The following UNC5D variants were observed in gnomAD, a reference collection of about 807,000 sequenced individuals.
UNC5D encodes the protein unc-5 netrin receptor D.
In UNC5D, 39 loss-of-function variants were observed where a neutral mutation model predicts 105.4. The observed-to-expected ratio is 0.37, with a 90% CI of 0.29 to 0.48. The LOEUF is 0.48. Among genes scored for constraint, UNC5D ranks in the 20% least tolerant of loss-of-function variants. The probability of loss-of-function intolerance (pLI) is 0.98; values close to 1 mark genes in which losing one functional copy is unlikely to be tolerated. For missense variants in UNC5D, 991 were observed against 1,202.4 expected (o/e 0.82, Z 2.60); for synonymous variants, 452 against 450.4 (o/e 1.00, Z -0.04).
At chr8:35,241,251 C>T (rs1377198140) in intron 1 of UNC5D, among the ~76,000 whole-genome samples, 2 of 152,218 alleles carry the variant, frequency 1.3e-5, no homozygotes, top group Non-Finnish European at 2.9e-5. Context: ...CACATTGCAT[C>T]GTATGGCCTT....
chr8:35,382,915 G>A (rs187021069), intron 1 of UNC5D, among the ~76,000 whole-genome samples: 17 of 152,156 alleles, frequency 1.1e-4, no homozygotes, highest in Admixed American at 2.6e-4. Context: ...CGCTGTCGTC[G>A]TCTACTTTTC....
chr8:35,577,078 GAAAAT>G (rs1249455520), intron 3 of UNC5D, among the ~76,000 whole-genome samples: 1 of 152,122 alleles, frequency 6.6e-6, no homozygotes, highest in Non-Finnish European at 1.5e-5. Context: ...TTTATATAGA[GAAAAT>G]TAAATTTTTT....
chr8:35,329,072 AAT>A, intron 1 of UNC5D, among the ~76,000 whole-genome samples: 1 of 152,172 alleles, frequency 6.6e-6, no homozygotes, highest in South Asian at 2.1e-4. Flanking sequence ...AATTTAAAAC[AAT>A]GTTTTTAGCC....
chr8:35,603,995 C>T (rs1404724644), intron 4 of UNC5D, among the ~76,000 whole-genome samples: 2 of 152,150 alleles, frequency 1.3e-5, no homozygotes, highest in African/African-American at 4.8e-5. Context: ...GACTCTTTAT[C>T]CAGATTGCCA....
chr8:35,348,914 C>T (rs1369138772), intron 1 of UNC5D, among the ~76,000 whole-genome samples: 2 of 151,728 alleles, frequency 1.3e-5, no homozygotes, highest in Non-Finnish European at 3.0e-5. Flanking sequence ...TTTTAGTAAA[C>T]TTTATTACAT....
At chr8:35,482,906 G>A (rs970998726) in intron 1 of UNC5D, among the ~76,000 whole-genome samples, 2 of 143,634 alleles carry the variant, frequency 1.4e-5, no homozygotes, top group Admixed American at 7.3e-5. Flanking sequence ...GGATTCAAGC[G>A]ATTCTCCTGC....
At chr8:35,375,347 A>G (rs1361627833) in intron 1 of UNC5D, among the ~76,000 whole-genome samples, 1 of 152,200 alleles carries the variant, frequency 6.6e-6, no homozygotes, top group African/African-American at 2.4e-5. Context: ...CCACACGTTG[A>G]TCTTTGCTAT....
chr8:35,476,027 ACT>A (rs1313721037), intron 1 of UNC5D, among the ~76,000 whole-genome samples: 2 of 152,080 alleles, frequency 1.3e-5, no homozygotes, highest in Non-Finnish European at 2.9e-5. Flanking sequence ...GTCATCAGTG[ACT>A]CTATCGTATA....
At chr8:35,315,345 G>A (rs1312253078) in intron 1 of UNC5D, among the ~76,000 whole-genome samples, 3 of 152,136 alleles carry the variant, frequency 2.0e-5, no homozygotes, top group Non-Finnish European at 2.9e-5. Context: ...GGCTGGATTT[G>A]CTCCTTCATC....
chr8:35,530,882 T>C (rs1258357005), intron 1 of UNC5D, among the ~76,000 whole-genome samples: 35,698 of 110,418 alleles, frequency 0.32, 7,110 homozygotes, highest in African/African-American at 0.68. Flanking sequence ...TCTGTGGGAT[T>C]GGTGGTGATA....
intron 9 of UNC5D, 61 bp downstream of exon 9, chr8:35,722,456 A>T: frequency 6.5e-7 from 1 of 1,542,854 alleles, no homozygotes; most frequent in Non-Finnish European, 8.7e-7. Flanking sequence ...CTCACACTAG[A>T]CCCCAGCCTT....
intron 1 of UNC5D, among the ~76,000 whole-genome samples, chr8:35,415,371 G>T (rs531410021): frequency 1.3e-4 from 20 of 152,138 alleles, no homozygotes; most frequent in African/African-American, 4.1e-4. Flanking sequence ...TCCACCTGTT[G>T]TTTATTTTCA....
intron 1 of UNC5D, among the ~76,000 whole-genome samples, chr8:35,256,821 A>G (rs1437021269): frequency 6.6e-6 from 1 of 151,846 alleles, no homozygotes; most frequent in Non-Finnish European, 1.5e-5. Context: ...TGCCTTTTAG[A>G]CCCAGCTGTA....
chr8:35,491,699 T>C (rs1811224616), intron 1 of UNC5D, among the ~76,000 whole-genome samples: 1 of 152,122 alleles, frequency 6.6e-6, no homozygotes, highest in African/African-American at 2.4e-5. Flanking sequence ...TCTTTACAGA[T>C]TGACAAAGTG....
At chr8:35,783,051 G>A (rs1163154554) in intron 16 of UNC5D, among the ~76,000 whole-genome samples, 1 of 151,956 alleles carries the variant, frequency 6.6e-6, no homozygotes, top group Non-Finnish European at 1.5e-5. Context: ...GCTGAGATGG[G>A]AGGATCACTT....
At chr8:35,677,002 G>T (rs1825279855) in intron 4 of UNC5D, among the ~76,000 whole-genome samples, 1 of 151,842 alleles carries the variant, frequency 6.6e-6, no homozygotes, top group South Asian at 2.1e-4. Flanking sequence ...GGCTTTTCAT[G>T]AAAAATATAA....
intron 1 of UNC5D, among the ~76,000 whole-genome samples, chr8:35,347,075 CA>C (rs1811856868): frequency 6.6e-6 from 1 of 152,108 alleles, no homozygotes; most frequent in South Asian, 2.1e-4. Context: ...GAGGGGTGCT[CA>C]CCACCATTGA....
chr8:35,292,480 C>T (rs901594470), intron 1 of UNC5D, among the ~76,000 whole-genome samples: 1 of 152,070 alleles, frequency 6.6e-6, no homozygotes, highest in African/African-American at 2.4e-5. Flanking sequence ...GGACATTGGT[C>T]AAAGCTTTCA....
At chr8:35,331,389 C>T (rs925785998) in intron 1 of UNC5D, among the ~76,000 whole-genome samples, 1 of 152,076 alleles carries the variant, frequency 6.6e-6, no homozygotes, top group Admixed American at 6.6e-5. Context: ...TTTCTTTGCT[C>T]CCTGAATATG....
Sources: allele counts gnomAD v4.1 joint callset (sites outside exome capture counted in the v4.1 genomes callset), GRCh38; gene constraint gnomAD v4.1.1; transcripts MANE v1.5; gene names NCBI Gene and HGNC (gene_info 2026-07-23, HGNC 2026-07-21).